The following HIPK3 variants were observed in gnomAD, a reference collection of about 807,000 sequenced individuals.
HIPK3 encodes the protein homeodomain-interacting protein kinase 3.
HIPK3 carries 47 observed loss-of-function variants against 124.2 expected under a neutral mutation model. The ratio of observed to expected loss-of-function variants is 0.38; its 90% confidence interval spans 0.30 to 0.48. HIPK3 has a LOEUF of 0.48. Among genes scored for constraint, HIPK3 ranks in the 20% least tolerant of loss-of-function variants. The pLI, the probability that HIPK3 is intolerant of heterozygous loss-of-function variation, is 0.98. For missense variants in HIPK3, 1,286 were observed against 1,454.3 expected, an observed-to-expected ratio of 0.88 and a Z score of 1.88; for synonymous variants, 482 against 515.2, an observed-to-expected ratio of 0.94 and a Z score of 0.87.
Position 33,287,009 on chromosome 11 carries a change from G to A in HIPK3, c.595G>A (p.Val199Ile), listed in dbSNP as rs887056868. 18 of 1,614,152 alleles carry A rather than the reference G, an allele frequency of 1.1e-5. No individual in the cohort carries two copies. Among genetic ancestry groups the A allele is most frequent in the Non-Finnish European group, 1.4e-5 (17 of 1,180,030 alleles). ...VLCSMKNTYE[V>I]LDFLGRGTFG... ...ATGCTCCATGAAAAATACTTACGAA[G>A]TCCTTGATTTTCTTGGTCGAGGCAC... Residue 199 changes from valine to isoleucine, a missense_variant, in exon 2 of 17, where the codon GTC becomes ATC. Around this residue, in one of 3 missense-constraint regions of HIPK3, gnomAD observed 225 missense variants for 240.3 expected, o/e 0.94. Coordinates refer to ENST00000303296, the MANE Select transcript of HIPK3 (RefSeq NM_005734.5).
chr11:33,333,290 G>C (rs142799346), intron 3 of HIPK3, among the ~76,000 whole-genome samples: 3 of 152,250 alleles, frequency 2.0e-5, no homozygotes, highest in African/African-American at 7.2e-5. Context: ...AACTTCACTG[G>C]TACTGGACCA....
intron 2 of HIPK3, among the ~76,000 whole-genome samples, chr11:33,293,709 T>G (rs777174475): frequency 1.3e-5 from 2 of 152,178 alleles, no homozygotes; most frequent in Non-Finnish European, 2.9e-5. Context: ...TGAAAAGATA[T>G]GTGAATAGAA....
chr11:33,300,398 C>A (rs980931038), intron 2 of HIPK3, among the ~76,000 whole-genome samples: 1 of 151,982 alleles, frequency 6.6e-6, no homozygotes, highest in African/African-American at 2.4e-5. Context: ...CAACCACCAT[C>A]CTGATTGGTC....
chr11:33,260,535 T>A (rs1365371480), intron 1 of HIPK3, among the ~76,000 whole-genome samples: 3 of 152,248 alleles, frequency 2.0e-5, no homozygotes, highest in Non-Finnish European at 2.9e-5. Context: ...AAGTTAACTT[T>A]ATTTTACCAG....
intron 2 of HIPK3, among the ~76,000 whole-genome samples, chr11:33,301,821 G>GACACACACAC (rs143389257): frequency 0.018 from 2,257 of 127,508 alleles, 55 homozygotes; most frequent in African/African-American, 0.038. Flanking sequence ...AACCCTGTCT[G>GACACACACAC]ACACACACAC....
chr11:33,258,329 C>T (rs547232432), intron 1 of HIPK3: 3 of 985,368 alleles, frequency 3.0e-6, no homozygotes, highest in African/African-American at 3.5e-5. Context: ...GATCCCTTTC[C>T]TTTCATTAAG....
At position 33,257,515 on chromosome 11, in the gene HIPK3, A is replaced by T; in HGVS notation, c.-377A>T. 1.0e-6 allele frequency: 1 copy of T among 985,656 alleles called. No homozygotes were observed. The highest frequency in any genetic ancestry group is 1.2e-6 in the Non-Finnish European group (1 of 830,232). The allele number at this position is 985,656 out of a possible 1,614,324, so 61.1% of individuals were successfully genotyped here. The stretch of plus-strand genomic sequence containing the variant: ...GCCGGGGCGTCAGGAATGGGCCCCA[A>T]TCGCCGTGGGCCCCGCACCCTGCGT... On this transcript the variant is annotated 5_prime_UTR_variant, in exon 1 of 17. Coordinates refer to ENST00000303296, the MANE Select transcript of HIPK3 (RefSeq NM_005734.5).
chr11:33,321,374 G>A (rs1400476170), intron 2 of HIPK3, among the ~76,000 whole-genome samples: 1 of 152,184 alleles, frequency 6.6e-6, no homozygotes, highest in African/African-American at 2.4e-5. Flanking sequence ...AACAGAAAAA[G>A]GGGTGATGGC....
chr11:33,266,054 A>C (rs1229640239), intron 1 of HIPK3, among the ~76,000 whole-genome samples: 4 of 139,372 alleles, frequency 2.9e-5, no homozygotes, highest in African/African-American at 1.1e-4. Flanking sequence ...GTGAGACTCC[A>C]TCTCAAAAAA....
At chr11:33,322,030 T>A (rs1286854167) in intron 2 of HIPK3, among the ~76,000 whole-genome samples, 1 of 152,110 alleles carries the variant, frequency 6.6e-6, no homozygotes, top group Non-Finnish European at 1.5e-5. Flanking sequence ...CACAGAGTCT[T>A]GCTCCGTCAC....
chr11:33,305,346 A>G (rs1852126300), intron 2 of HIPK3, among the ~76,000 whole-genome samples: 1 of 152,078 alleles, frequency 6.6e-6, no homozygotes, highest in Non-Finnish European at 1.5e-5. Context: ...ACCTTGAAAT[A>G]AGTTTTAGGT....
chr11:33,263,236 G>C (rs1050364471), intron 1 of HIPK3, among the ~76,000 whole-genome samples: 30 of 152,146 alleles, frequency 2.0e-4, no homozygotes, highest in African/African-American at 7.2e-4. Flanking sequence ...TGGGAGAGTG[G>C]GTGGTGAGGC....
At chr11:33,353,007 G>A (rs962720293) in intron 16 of HIPK3, 85 bp from the exon 17 acceptor site, 7 of 783,958 alleles carry the variant, frequency 8.9e-6, no homozygotes, top group Admixed American at 2.6e-5. Context: ...AATCACAAAG[G>A]GTATATTGTA....
At chr11:33,300,699 GT>G (rs1851974068) in intron 2 of HIPK3, among the ~76,000 whole-genome samples, 1 of 152,102 alleles carries the variant, frequency 6.6e-6, no homozygotes, top group African/African-American at 2.4e-5. Context: ...AGGTATTCCT[GT>G]ATGTTGATAT....
chr11:33,326,603 G>T (rs2901068), intron 2 of HIPK3, among the ~76,000 whole-genome samples: 3 of 152,018 alleles, frequency 2.0e-5, no homozygotes, highest in Admixed American at 2.0e-4. Flanking sequence ...AGAAAGCAAA[G>T]AAATAATCAG....
chr11:33,339,266 T>G, intron 5 of HIPK3, 84 bp from the exon 6 acceptor site: 1 of 1,001,046 alleles, frequency 1.0e-6, no homozygotes, highest in Non-Finnish European at 1.5e-6. Flanking sequence ...TGTTGTGATT[T>G]TTGTTTTATT....
chr11:33,341,454 A>G, intron 7 of HIPK3, 109 bp from the exon 8 acceptor site: 1 of 1,120,568 alleles, frequency 8.9e-7, no homozygotes, highest in Non-Finnish European at 1.2e-6. Context: ...TTTTCTGGAC[A>G]CATTTTAATA....
At chr11:33,274,637 T>G (rs1851224373) in intron 1 of HIPK3, among the ~76,000 whole-genome samples, 1 of 152,208 alleles carries the variant, frequency 6.6e-6, no homozygotes, top group Non-Finnish European at 1.5e-5. Flanking sequence ...CTGTCAGGGT[T>G]TCCATTTCTG....
chr11:33,297,892 C>T (rs775151861), intron 2 of HIPK3, among the ~76,000 whole-genome samples: 3 of 148,506 alleles, frequency 2.0e-5, no homozygotes, highest in Non-Finnish European at 3.0e-5. Context: ...CAGGTTCAAG[C>T]GATTCTCCTA....
Sources: gnomAD v4.1 joint callset for allele counts (sites outside exome capture counted in the v4.1 genomes callset) on GRCh38, gnomAD v4.1.1 for gene constraint, gnomAD v4.1.1 regional missense constraint, MANE v1.5 for transcripts, NCBI Gene and HGNC (gene_info 2026-07-23, HGNC 2026-07-21) for gene names.